The following ZNF182 variants were observed in gnomAD, a reference collection of about 807,000 sequenced individuals.
ZNF182 encodes the protein zinc finger protein 21 (KOX 14).
ZNF182 carries 10 observed loss-of-function variants against 28.1 expected under a neutral mutation model. That is an observed-to-expected ratio of 0.36 (90% CI 0.22 to 0.60). The LOEUF is 0.60. ZNF182 is among the 20% of genes least tolerant of loss of function. The pLI is 0.75. For synonymous variants in ZNF182, 156 were observed against 158.7 expected, an observed-to-expected ratio of 0.98 and a Z score of 0.13; for missense variants, 352 against 453.2, an observed-to-expected ratio of 0.78 and a Z score of 2.03.
intron 3 of ZNF182, among the ~76,000 whole-genome samples, chrX:47,999,154 C>G (rs1481189334): frequency 9.0e-6 from 1 of 111,127 alleles, no homozygotes; most frequent in South Asian, 3.8e-4. Flanking sequence ...CCAAGGCAGG[C>G]AGATCACCTG....
intron 3 of ZNF182, 28 bp downstream of exon 3, chrX:48,002,567 G>C: frequency 8.3e-7 from 1 of 1,209,657 alleles, no homozygotes; most frequent in Non-Finnish European, 1.1e-6. Flanking sequence ...GTAAAATAGA[G>C]GAATGAAGAA....
chrX:47,985,971 G>T (rs1244239041), intron 3 of ZNF182, among the ~76,000 whole-genome samples: 2 of 112,043 alleles, frequency 1.8e-5, no homozygotes, highest in Non-Finnish European at 3.8e-5. Context: ...GATGAAATCA[G>T]TCTAATACTC....
Position 47,977,757 on chromosome X carries a change from C to A in ZNF182, c.273G>T (p.Gln91His), listed in dbSNP as rs782099915. Residue 91 changes from glutamine (Q) to histidine (H), a missense_variant, in exon 6 of 6, where the codon CAG becomes CAT. By Grantham distance (24) the Gln-to-His change is conservative. Coordinates refer to ENST00000376943, the MANE Select transcript of ZNF182 (RefSeq NM_001007088.2). ...QVDEQIERQH[Q>H]DDQDKCLLMQ... is the part of the protein sequence containing the mutation. ...TCAGCAGACATTTATCTTGGTCATC[C>A]TGATGTTGCCTCTCAATCTGTTCAT... The A allele has an allele frequency of 2.5e-6, 3 of 1,193,540 alleles. No individual in the cohort carries two copies. Among genetic ancestry groups the A allele is most frequent in the Non-Finnish European group, 3.4e-6 (3 of 885,826 alleles).
In ZNF182 at chrX:47,977,942, C is replaced by T. The variant is rs887768311; in HGVS notation, c.233-145G>A. ...AGAGAGTTTTTTACTAAACTCTCAC[C>T]TGCTGGTCTTTTTGTTACCAAGAAC... is the stretch of plus-strand genomic sequence containing the variant. On this transcript the variant is annotated intron_variant, in intron 5 of 5. Transcript: ENST00000376943. The T allele has an allele frequency of 9.1e-5, 47 of 515,769 alleles. No individual in the cohort carries two copies. In the African/African-American group the frequency reaches 1.1e-3, roughly 12 times the overall value. 42.5% of individuals were successfully genotyped at this position (515,769 alleles called of 1,213,427 possible). A position where few individuals can be genotyped will look rare whatever the true frequency, so the allele number is the denominator to read the frequency against.
intron 4 of ZNF182, 50 bp downstream of exon 4, chrX:47,983,235 T>G: frequency 8.3e-7 from 1 of 1,205,424 alleles, no homozygotes; most frequent in Non-Finnish European, 1.1e-6. Context: ...TGCCTTCCAT[T>G]GGATGCAATA....
At chrX:47,978,432 A>G (rs1219160520) in intron 5 of ZNF182, among the ~76,000 whole-genome samples, 1 of 112,232 alleles carries the variant, frequency 8.9e-6, no homozygotes, top group African/African-American at 3.2e-5. Context: ...GAAATGCAAC[A>G]GCATGATTCC....
chrX:47,983,250 TA>T, intron 4 of ZNF182, 34 bp downstream of exon 4: 2 of 1,209,999 alleles, frequency 1.7e-6, no homozygotes, highest in Non-Finnish European at 2.2e-6. Context: ...GCAATAATCA[TA>T]AACTGCAAAA....
intron 5 of ZNF182, among the ~76,000 whole-genome samples, chrX:47,982,171 T>C (rs1444064904): frequency 8.9e-6 from 1 of 112,199 alleles, no homozygotes; most frequent in Non-Finnish European, 1.9e-5. Context: ...CATGGTACGA[T>C]GCGGATGAAC....
rs782449801 is a variant in ZNF182, at chrX:47,977,654, G to A, written c.376C>T (p.His126Tyr). 8.3e-6 allele frequency: 10 copies of A among 1,209,711 alleles called. No homozygotes were observed. The East Asian group carries it at 3.0e-4, about 36-fold the overall frequency. Residue 126 changes from histidine to tyrosine, a missense_variant, in exon 6 of 6, where the codon CAT (histidine) becomes TAT (tyrosine). By Grantham distance (83) the His-to-Tyr change is moderately conservative. Transcript: ENST00000376943. ...GAAGCAACAAGGTTTGTACTCAGAT[G>A]AAGTATGTTTCCAAACTCATGACAG... The part of the protein sequence containing the change: ...RDCHEFGNIL[H>Y]LSTNLVASIQ...
chrX:47,979,075 T>C (rs1279533087), intron 5 of ZNF182, among the ~76,000 whole-genome samples: 1 of 112,272 alleles, frequency 8.9e-6, no homozygotes, highest in Non-Finnish European at 1.9e-5. Flanking sequence ...TTTTTTATAG[T>C]TTACTTTTCT....
chrX:47,986,805 T>C (rs782694992), intron 3 of ZNF182, among the ~76,000 whole-genome samples: 1 of 112,007 alleles, frequency 8.9e-6, no homozygotes, highest in East Asian at 2.8e-4. Context: ...GGAGCTGGCT[T>C]TCTGAGCTTC....
At chrX:47,986,537 A>C (rs1483598814) in intron 3 of ZNF182, among the ~76,000 whole-genome samples, 1 of 111,862 alleles carries the variant, frequency 8.9e-6, no homozygotes, top group Non-Finnish European at 1.9e-5. Flanking sequence ...TTACTTGAAG[A>C]TTTATGTGTG....
rs2146454416 is a variant in ZNF182 at position 47,975,006 on chromosome X, T to C, written c.*1161A>G. The C allele has an allele frequency of 9.0e-6, 1 of 111,397 alleles. No homozygotes were observed. Among genetic ancestry groups the C allele is most frequent in the Non-Finnish European group, 1.9e-5 (1 of 53,043 alleles). The allele number at this position is 111,397 out of a possible 1,213,427, so 9.2% of individuals were successfully genotyped here. On this transcript the variant is annotated 3_prime_UTR_variant, in exon 6 of 6. Coordinates refer to ENST00000376943, the MANE Select transcript of ZNF182 (RefSeq NM_001007088.2). ...CCTTCCCCTCCCAAGGTAATCAGGG[T>C]TACCAGGTTCTCATGTCTCTTTCCA...
intron 3 of ZNF182, among the ~76,000 whole-genome samples, chrX:47,999,006 C>A (rs1367427367): frequency 8.9e-6 from 1 of 112,211 alleles, no homozygotes; most frequent in Non-Finnish European, 1.9e-5. Context: ...ATGGAATCAA[C>A]CTCAGTTTCC....
chrX:47,982,662 T>C (rs1295529334), intron 5 of ZNF182, among the ~76,000 whole-genome samples: 1 of 111,106 alleles, frequency 9.0e-6, no homozygotes, highest in Non-Finnish European at 1.9e-5. Flanking sequence ...GTCGTGAAAG[T>C]GGCAAGGCCA....
At chrX:47,982,885 C>G in intron 5 of ZNF182, 64 bp downstream of exon 5, 1 of 1,041,697 alleles carries the variant, frequency 9.6e-7, no homozygotes, top group Non-Finnish European at 1.3e-6. Context: ...TGTCAGAGGG[C>G]CTCACCTCTG....
chrX:47,987,280 T>C (rs1389927778), intron 3 of ZNF182, among the ~76,000 whole-genome samples: 3 of 111,998 alleles, frequency 2.7e-5, no homozygotes, highest in Admixed American at 9.5e-5. Context: ...ACAAGCAAGA[T>C]CCAGCTGTAT....
chrX:48,001,299 G>C (rs1217584718), intron 3 of ZNF182, among the ~76,000 whole-genome samples: 6 of 112,413 alleles, frequency 5.3e-5, no homozygotes, highest in Non-Finnish European at 1.1e-4. Context: ...TCTTTCAACA[G>C]GTGAATGGAT....
At chrX:48,003,316 A>C (rs2058985350) in intron 2 of ZNF182, among the ~76,000 whole-genome samples, 192 bp downstream of exon 2, 1 of 112,567 alleles carries the variant, frequency 8.9e-6, no homozygotes, top group Non-Finnish European at 1.9e-5. Context: ...TCTCTATTTC[A>C]GAATTAATCT....
Sources: gnomAD v4.1 joint callset for allele counts (sites outside exome capture counted in the v4.1 genomes callset) on GRCh38, gnomAD v4.1.1 for gene constraint, MANE v1.5 for transcripts, NCBI Gene and HGNC (gene_info 2026-07-23, HGNC 2026-07-21) for gene names.